Variants in KCNQ5 observed in about 807,000 individuals in gnomAD.
KCNQ5 encodes potassium voltage-gated channel subfamily Q member 5.
KCNQ5 carries 30 observed loss-of-function variants against 98.2 expected under a neutral mutation model. That is an observed-to-expected ratio of 0.31 (90% confidence interval 0.23 to 0.41). The LOEUF is 0.41. KCNQ5 is among the 10% of genes least tolerant of loss of function. The pLI, the probability that KCNQ5 is intolerant of heterozygous loss-of-function variation, is 1.00. For synonymous variants in KCNQ5, 458 were observed against 449.4 expected, an observed-to-expected ratio of 1.02 and a Z score of -0.24; for missense variants, 835 against 1,182.5, an observed-to-expected ratio of 0.71 and a Z score of 4.31.
chr6:72,999,305 AT>A (rs953764257), intron 1 of KCNQ5, among the ~76,000 whole-genome samples: 1 of 152,156 alleles, frequency 6.6e-6, no homozygotes, highest in Non-Finnish European at 1.5e-5. Context: ...TAATATTTAA[AT>A]TTTTTATAAA....
chr6:72,735,793 G>A (rs1458074845), intron 1 of KCNQ5, among the ~76,000 whole-genome samples: 1 of 151,890 alleles, frequency 6.6e-6, no homozygotes, highest in Non-Finnish European at 1.5e-5. Flanking sequence ...GAAAAATGAA[G>A]AAGCTTTCAT....
intron 2 of KCNQ5, among the ~76,000 whole-genome samples, chr6:73,032,323 A>T (rs767589221): frequency 2.6e-5 from 4 of 152,064 alleles, no homozygotes; most frequent in Non-Finnish European, 5.9e-5. Flanking sequence ...ACCTGTCACC[A>T]TGCCTGGCCA....
At chr6:72,746,768 A>G (rs1334933195) in intron 1 of KCNQ5, among the ~76,000 whole-genome samples, 1 of 152,204 alleles carries the variant, frequency 6.6e-6, no homozygotes, top group Non-Finnish European at 1.5e-5. Flanking sequence ...ATTGAGACCA[A>G]ACACTACCAG....
intron 5 of KCNQ5, among the ~76,000 whole-genome samples, chr6:73,103,255 T>C (rs994189051): frequency 1.2e-4 from 18 of 151,980 alleles, no homozygotes; most frequent in Non-Finnish European, 2.6e-4. Flanking sequence ...AATTAACAGT[T>C]AAGGATTAAG....
At chr6:72,932,248 G>A (rs1303811670) in intron 1 of KCNQ5, among the ~76,000 whole-genome samples, 1 of 151,922 alleles carries the variant, frequency 6.6e-6, no homozygotes, top group African/African-American at 2.4e-5. Context: ...GAAAATATGT[G>A]TGTTTGTGTG....
At chr6:73,100,564 G>T (rs572622672) in intron 5 of KCNQ5, among the ~76,000 whole-genome samples, 1 of 152,040 alleles carries the variant, frequency 6.6e-6, no homozygotes, top group African/African-American at 2.4e-5. Flanking sequence ...AGCTACTCGG[G>T]AAGCTGAGGC....
chr6:72,798,760 G>A (rs910729535), intron 1 of KCNQ5, among the ~76,000 whole-genome samples: 7 of 152,112 alleles, frequency 4.6e-5, no homozygotes, highest in South Asian at 4.2e-4. Flanking sequence ...CAAGCCCCCA[G>A]TTCATGGTAC....
At chr6:72,879,453 A>G (rs1293043955) in intron 1 of KCNQ5, among the ~76,000 whole-genome samples, 5 of 151,776 alleles carry the variant, frequency 3.3e-5, no homozygotes, top group African/African-American at 4.8e-5. Context: ...ATCCTTGCCC[A>G]TTTCTGTTTT....
At chr6:72,852,815 A>G (rs1777337719) in intron 1 of KCNQ5, among the ~76,000 whole-genome samples, 1 of 151,460 alleles carries the variant, frequency 6.6e-6, no homozygotes, top group Non-Finnish European at 1.5e-5. Flanking sequence ...TACATTAAAA[A>G]CAATAAATAC....
chr6:72,951,950 T>C (rs967654497), intron 1 of KCNQ5, among the ~76,000 whole-genome samples: 25 of 152,292 alleles, frequency 1.6e-4, no homozygotes, highest in East Asian at 3.9e-4. Context: ...CTAAATAAAA[T>C]GAAATCTCTC....
In KCNQ5 at chr6:73,055,700, A is replaced by G. The variant is rs1488983114; in HGVS notation, c.616+13638A>G. ...TCTGAAGGGTCTCTCTGAAGAGGCT[A>G]TCATGGAGCTGAACCTGCCAACTGG... is the stretch of plus-strand genomic sequence containing the variant. On this transcript the variant is annotated intron_variant, in intron 3 of 13. Transcript: ENST00000370398. The G allele has an allele frequency of 3.5e-6, 4 of 1,129,052 alleles. No individual in the cohort carries two copies. In the Admixed American group the frequency reaches 5.1e-5, roughly 14 times the overall value. The allele number at this position is 1,129,052 out of a possible 1,614,324, so 69.9% of individuals were successfully genotyped here. A position where few individuals can be genotyped will look rare whatever the true frequency, so the allele number is the denominator to read the frequency against.
At chr6:73,038,372 C>T (rs907505830) in intron 2 of KCNQ5, among the ~76,000 whole-genome samples, 10 of 151,418 alleles carry the variant, frequency 6.6e-5, no homozygotes, top group African/African-American at 2.4e-4. Context: ...TTTTATTTGG[C>T]TTATTGCAGC....
intron 5 of KCNQ5, among the ~76,000 whole-genome samples, chr6:73,088,020 TC>T (rs1562170477): frequency 5.4e-5 from 6 of 110,758 alleles, no homozygotes; most frequent in East Asian, 2.5e-4. Flanking sequence ...TCTCTCTCTC[TC>T]TCTTTTTTTT....
At chr6:72,987,525 C>T (rs1768844700) in intron 1 of KCNQ5, 1 of 659,342 alleles carries the variant, frequency 1.5e-6, no homozygotes, top group Non-Finnish European at 2.9e-6. Context: ...GTTCAGCCGC[C>T]ACCCCCTCCA....
chr6:72,807,303 T>C (rs763664687), intron 1 of KCNQ5, among the ~76,000 whole-genome samples: 31 of 152,312 alleles, frequency 2.0e-4, no homozygotes, highest in Non-Finnish European at 3.2e-4. Context: ...GTTTACTTAG[T>C]ATTTATTATG....
chr6:73,155,933 T>G (rs1777344699), intron 10 of KCNQ5, among the ~76,000 whole-genome samples: 1 of 152,210 alleles, frequency 6.6e-6, no homozygotes, highest in African/African-American at 2.4e-5. Flanking sequence ...GGACCTAGTT[T>G]GTCTCTTGGT....
chr6:72,810,035 G>A (rs377556980), intron 1 of KCNQ5, among the ~76,000 whole-genome samples: 17 of 152,104 alleles, frequency 1.1e-4, no homozygotes, highest in Non-Finnish European at 2.2e-4. Context: ...GGCATCTCCC[G>A]ACTGCTTCAT....
chr6:72,655,056 CT>C (rs1403621894), intron 1 of KCNQ5, among the ~76,000 whole-genome samples: 2 of 149,004 alleles, frequency 1.3e-5, no homozygotes, highest in Non-Finnish European at 3.0e-5. Flanking sequence ...TTCTTTCTTT[CT>C]TTCTTTCTTT....
chr6:73,062,990 C>CTGGAGTATT (rs1440010269), intron 3 of KCNQ5, among the ~76,000 whole-genome samples: 1 of 152,100 alleles, frequency 6.6e-6, no homozygotes, highest in Non-Finnish European at 1.5e-5. Context: ...CTGTGGTTTT[C>CTGGAGTATT]TGGAGTATTT....
Sources: allele counts gnomAD v4.1 joint callset (sites outside exome capture counted in the v4.1 genomes callset), GRCh38; gene constraint gnomAD v4.1.1; transcripts MANE v1.5; gene names NCBI Gene and HGNC (gene_info 2026-07-23, HGNC 2026-07-21).